PCBP3: variants seen among roughly 807,000 people sequenced by gnomAD.
PCBP3 encodes poly(rC)-binding protein 3.
Under a neutral mutation model 52.7 loss-of-function variants are expected in PCBP3, and 25 were observed. The ratio of observed to expected loss-of-function variants is 0.47; its 90% CI spans 0.35 to 0.66. The LOEUF (loss-of-function observed/expected upper bound fraction) is 0.66. Ranked by LOEUF, PCBP3 falls within the 30% of genes least tolerant of loss-of-function variation. PCBP3 has a pLI of 0.01. For missense variants in PCBP3, 391 were observed against 490.3 expected, an observed-to-expected ratio of 0.80 and a Z score of 1.91; for synonymous variants, 162 against 183.0, an observed-to-expected ratio of 0.89 and a Z score of 0.93.
intron 4 of PCBP3, among the ~76,000 whole-genome samples, chr21:45,766,667 A>G (rs185061578): frequency 6.6e-6 from 1 of 152,294 alleles, no homozygotes; most frequent in East Asian, 1.9e-4. Context: ...GTGTGAGCAC[A>G]GGCCCCAGCA....
intron 4 of PCBP3, among the ~76,000 whole-genome samples, chr21:45,823,342 G>A (rs1428764734): frequency 1.3e-5 from 2 of 152,118 alleles, no homozygotes; most frequent in Admixed American, 6.5e-5. Flanking sequence ...ATTCCTTCAG[G>A]GGACCTTCCA....
intron 5 of PCBP3, among the ~76,000 whole-genome samples, chr21:45,851,293 T>A (rs1304367365): frequency 6.6e-6 from 1 of 152,154 alleles, no homozygotes; most frequent in Non-Finnish European, 1.5e-5. Context: ...GGTGGGTAGA[T>A]CAAGAGGTCA....
At chr21:45,777,812 T>C (rs1399425948) in intron 4 of PCBP3, among the ~76,000 whole-genome samples, 3 of 152,078 alleles carry the variant, frequency 2.0e-5, no homozygotes, top group Non-Finnish European at 4.4e-5. Context: ...TAATGAATTC[T>C]TTTTCTGATT....
At chr21:45,765,913 T>C (rs1249815344) in intron 4 of PCBP3, among the ~76,000 whole-genome samples, 3 of 152,222 alleles carry the variant, frequency 2.0e-5, no homozygotes, top group East Asian at 3.9e-4. Flanking sequence ...AAAAATAATG[T>C]ATTCAAGTGG....
chr21:45,874,269 A>C (rs980257675), intron 5 of PCBP3, among the ~76,000 whole-genome samples: 2 of 152,222 alleles, frequency 1.3e-5, no homozygotes, highest in African/African-American at 4.8e-5. Context: ...GTACATTTTA[A>C]AATCAGCTTG....
rs76919440 is a variant in PCBP3, at chr21:45,847,934, T to G, written c.-125-2027T>G. Among the ~76,000 whole-genome samples, 1,045 of 152,302 alleles carry G rather than the reference T, an allele frequency of 6.9e-3. 14 individuals are homozygous for G. Among genetic ancestry groups the G allele is most frequent in the African/African-American group, 0.023 (973 of 41,554 alleles). ...TTTTCTGTTTTGGGAACTCCAGTCT[T>G]TGTTTCTTGGGTCTTTGTTGGCCTG... On this transcript the variant is annotated intron_variant, in intron 4 of 17. Transcript: ENST00000681687.
In PCBP3 at chr21:45,740,762, A is replaced by G. The variant is rs114215700; in HGVS notation, c.-162+5333A>G. ...GCGTGTGTGTGTGGAAGGTGTGTGC[A>G]TGTGTGTGTGGTATGTGTGCATCTG... On this transcript the variant is annotated intron_variant, in intron 3 of 17. Transcript: ENST00000681687. Among the ~76,000 whole-genome samples the G allele has an allele frequency of 5.8e-3, 877 of 151,800 alleles. 7 individuals are homozygous for G. The highest frequency in any genetic ancestry group is 0.02 in the African/African-American group (818 of 41,400).
Position 45,837,454 on chromosome 21 carries a change from C to A in PCBP3, c.-125-12507C>A, listed in dbSNP as rs2147914961. On this transcript the variant is annotated intron_variant, in intron 4 of 17. Transcript: ENST00000681687. The surrounding 1 kb of genome is among the most constrained non-coding windows in gnomAD (Gnocchi z 4.1). ...GAGCCTAGGGATGGCGCTGTGAGAA[C>A]AGGCCACGGCGCCCTAGCTTCAGGT... is the stretch of plus-strand genomic sequence containing the variant. 6.6e-6 allele frequency among the ~76,000 whole-genome samples: 1 copy of A among 152,356 alleles called. No homozygotes were observed. The highest frequency in any genetic ancestry group is 1.9e-4 in the East Asian group (1 of 5,184).
chr21:45,663,449 A>G (rs1249317445), intron 1 of PCBP3, among the ~76,000 whole-genome samples: 4 of 152,114 alleles, frequency 2.6e-5, no homozygotes, highest in African/African-American at 9.7e-5. Flanking sequence ...ATAGGGAGGA[A>G]AACCCACCGA....
chr21:45,702,383 T>G (rs965705203), intron 2 of PCBP3, among the ~76,000 whole-genome samples: 1 of 152,168 alleles, frequency 6.6e-6, no homozygotes, highest in African/African-American at 2.4e-5. Context: ...ACCACTAAGC[T>G]CATCAGAAAC....
intron 4 of PCBP3, among the ~76,000 whole-genome samples, chr21:45,780,969 T>C (rs1316774253): frequency 6.6e-6 from 1 of 152,016 alleles, no homozygotes; most frequent in Non-Finnish European, 1.5e-5. Flanking sequence ...GGGCAGTCAT[T>C]TGGGCTGTGG....
chr21:45,897,428 C>A (rs765237212), intron 6 of PCBP3, among the ~76,000 whole-genome samples: 1 of 152,206 alleles, frequency 6.6e-6, no homozygotes, highest in Non-Finnish European at 1.5e-5. Flanking sequence ...TTGGCAGGAA[C>A]GTGGCAGCAG....
chr21:45,793,228 G>C (rs1396578014), intron 4 of PCBP3, among the ~76,000 whole-genome samples: 3 of 152,182 alleles, frequency 2.0e-5, no homozygotes, highest in African/African-American at 7.2e-5. Context: ...GGTCAAAGTG[G>C]CACAGCCAGG....
In PCBP3 at chr21:45,904,711, G is replaced by A. The variant is rs1271970215; in HGVS notation, c.339+3598G>A. ...CCATCCTGAAAACACACACATAACA[G>A]CGAAAGTATTTCCAGTCCCAAGTGA... On this transcript the variant is annotated intron_variant, in intron 9 of 17. Coordinates refer to ENST00000681687, the MANE Select transcript of PCBP3 (RefSeq NM_001384156.1). The surrounding 1 kb of genome is among the most constrained non-coding windows in gnomAD (Gnocchi z 4.8). Among the ~76,000 whole-genome samples the A allele has an allele frequency of 1.3e-5, 2 of 152,308 alleles. No homozygotes were observed. The highest frequency in any genetic ancestry group is 1.9e-4 in the East Asian group (1 of 5,178).
At chr21:45,786,826 A>G (rs941057567) in intron 4 of PCBP3, among the ~76,000 whole-genome samples, 1 of 152,228 alleles carries the variant, frequency 6.6e-6, no homozygotes, top group Non-Finnish European at 1.5e-5. Flanking sequence ...ACACAGAATA[A>G]TAGTCATTAA....
At chr21:45,646,934 G>A (rs1444269221) in intron 1 of PCBP3, among the ~76,000 whole-genome samples, 1 of 152,156 alleles carries the variant, frequency 6.6e-6, no homozygotes, top group Non-Finnish European at 1.5e-5. Context: ...TTCCTGTTGT[G>A]TTAGAGCTAT....
chr21:45,924,028 C>T (rs71326344), intron 13 of PCBP3, among the ~76,000 whole-genome samples: 639 of 32,608 alleles, frequency 0.02, 17 homozygotes, highest in Middle Eastern at 0.077. Flanking sequence ...CGAGGAGATG[C>T]GAACACCGGG....
At chr21:45,795,729 G>A (rs967480528) in intron 4 of PCBP3, among the ~76,000 whole-genome samples, 1 of 152,148 alleles carries the variant, frequency 6.6e-6, no homozygotes, top group African/African-American at 2.4e-5. Flanking sequence ...AATGAATGAA[G>A]ATAAAATAGA....
chr21:45,787,254 G>A lies in PCBP3; in HGVS notation c.-126+31802G>A, dbSNP rs1405164794. Among the ~76,000 whole-genome samples the A allele has an allele frequency of 3.3e-5, 5 of 151,952 alleles. No individual in the cohort carries two copies. In the East Asian group the frequency reaches 5.8e-4, roughly 18 times the overall value. On this transcript the variant is annotated intron_variant, in intron 4 of 17. Transcript: ENST00000681687. ...GATCTTGACGTTTCATCTGAGTTTC[G>A]TTTTGTTTGAGACAGGGTCTTGCTC... is the stretch of plus-strand genomic sequence containing the variant.
Sources: gnomAD v4.1 joint callset for allele counts (sites outside exome capture counted in the v4.1 genomes callset) on GRCh38, gnomAD v4.1.1 for gene constraint, Gnocchi (gnomAD v3.1) non-coding constraint, MANE v1.5 for transcripts, NCBI Gene and HGNC (gene_info 2026-07-23, HGNC 2026-07-21) for gene names.